Variants in ZNF407 observed in about 807,000 individuals in gnomAD.
ZNF407 encodes the protein zinc finger protein 407.
Under a neutral mutation model 131.2 loss-of-function variants are expected in ZNF407, and 17 were observed. That is an observed-to-expected ratio of 0.13 (90% CI 0.09 to 0.19). ZNF407 has a LOEUF of 0.19. ZNF407 is among the 10% of genes least tolerant of loss of function. The probability of loss-of-function intolerance (pLI) is 1.00; values close to 1 mark genes in which losing one functional copy is unlikely to be tolerated. For synonymous variants in ZNF407, 1,156 were observed against 1,062.0 expected, an observed-to-expected ratio of 1.09 and a Z score of -1.72; for missense variants, 2,681 against 2,830.6, an observed-to-expected ratio of 0.95 and a Z score of 1.20.
intron 8 of ZNF407, among the ~76,000 whole-genome samples, chr18:74,990,004 C>T (rs530445526): frequency 6.6e-6 from 1 of 152,192 alleles, no homozygotes; most frequent in African/African-American, 2.4e-5. Flanking sequence ...TATTCAGCAG[C>T]TTGTACATGT....
chr18:74,862,270 A>G (rs1970948087), intron 4 of ZNF407, among the ~76,000 whole-genome samples: 1 of 152,224 alleles, frequency 6.6e-6, no homozygotes, highest in Non-Finnish European at 1.5e-5. Flanking sequence ...TACAGAACAC[A>G]CGCCAGAGCT....
rs1299294440 is a variant in ZNF407 at position 74,633,440 on chromosome 18, G to A, written c.2421G>A (p.Glu807=). Residue 807 remains glutamate, a synonymous_variant, in exon 2 of 9, where the codon GAG becomes GAA. Transcript: ENST00000299687. ...GCCATATAGGTGTGCAATTACAAGA[G>A]CATTCCTATCTTGAGAAGGGCATGC... is the stretch of plus-strand genomic sequence containing the variant. ...IEGHIGVQLQ[E]HSYLEKGMLA... The A allele has an allele frequency of 1.2e-6, 2 of 1,614,008 alleles. No individual in the cohort carries two copies. Among genetic ancestry groups the A allele is most frequent in the South Asian group, 1.1e-5 (1 of 91,080 alleles).
At chr18:74,906,058 A>T (rs1415307774) in intron 7 of ZNF407, 2 of 153,322 alleles carry the variant, frequency 1.3e-5, no homozygotes, top group Admixed American at 1.3e-4. Flanking sequence ...TATTATTACT[A>T]TTTGGAGTCA....
At chr18:74,920,978 A>G in intron 8 of ZNF407, 6 of 1,107,150 alleles carry the variant, frequency 5.4e-6, no homozygotes, top group Non-Finnish European at 6.6e-6. Context: ...ACCTGAAATG[A>G]GAGTAGTTGT....
At chr18:74,802,570 A>T (rs1401923446) in intron 4 of ZNF407, among the ~76,000 whole-genome samples, 1 of 152,204 alleles carries the variant, frequency 6.6e-6, no homozygotes, top group African/African-American at 2.4e-5. Flanking sequence ...GTAAGATTTC[A>T]GAGAAATTTC....
Position 74,635,820 on chromosome 18 carries a change from A to C in ZNF407, c.4687+114A>C. 2.1e-6 allele frequency: 3 copies of C among 1,398,430 alleles called. No homozygotes were observed. Among genetic ancestry groups the C allele is most frequent in the Non-Finnish European group, 1.9e-6 (2 of 1,037,664 alleles). 86.6% of individuals were successfully genotyped at this position (1,398,430 alleles called of 1,614,324 possible). A position where few individuals can be genotyped will look rare whatever the true frequency, so the allele number is the denominator to read the frequency against. On this transcript the variant is annotated intron_variant, in intron 2 of 8. Transcript: ENST00000299687. The surrounding 1 kb of genome is among the most constrained non-coding windows in gnomAD (Gnocchi z 4.7). ...TGGCTTTCCACCCGGTTCACATTTCACTGCCGTGTGCTGCTCTGCTTGTCT... is the reference window on the plus strand; with the variant it reads ...TGGCTTTCCACCCGGTTCACATTTCCCTGCCGTGTGCTGCTCTGCTTGTCT...
intron 3 of ZNF407, among the ~76,000 whole-genome samples, chr18:74,726,659 C>T (rs1599102525): frequency 2.6e-5 from 4 of 152,302 alleles, no homozygotes; most frequent in African/African-American, 9.6e-5. Context: ...GTGTAACCTA[C>T]ATGTGGAGTT....
At chr18:74,830,780 C>A (rs1011466854) in intron 4 of ZNF407, among the ~76,000 whole-genome samples, 7 of 152,130 alleles carry the variant, frequency 4.6e-5, no homozygotes, top group Non-Finnish European at 1.0e-4. Flanking sequence ...CATTCAGTGT[C>A]TTCCTTGTAG....
At chr18:74,767,782 T>C (rs1969272824) in intron 3 of ZNF407, among the ~76,000 whole-genome samples, 1 of 150,170 alleles carries the variant, frequency 6.7e-6, no homozygotes, top group Non-Finnish European at 1.5e-5. Context: ...GCCTCCTGAG[T>C]AGCTGGGACT....
chr18:74,881,073 C>A lies in ZNF407; in HGVS notation c.5082C>A (p.Ala1694=). ...TTCTGTGTGACCTCTGCGGCTTTGC[C>A]GGCGGGACCCGCCACGCCCTCACCA... ...KSFLCDLCGF[A]GGTRHALTKH... is the part of the protein sequence containing the mutation. Residue 1694 remains alanine (A), a synonymous_variant, in exon 6 of 9, where the codon GCC becomes GCA. Transcript: ENST00000299687. 1 of 1,562,458 alleles carries A rather than the reference C, an allele frequency of 6.4e-7. No individual in the cohort carries two copies.
intron 8 of ZNF407, among the ~76,000 whole-genome samples, chr18:75,009,661 C>A (rs1272651243): frequency 1.3e-5 from 2 of 152,172 alleles, no homozygotes; most frequent in Admixed American, 1.3e-4. Context: ...AATATAAAAT[C>A]ATTTATTCTT....
chr18:74,888,000 A>G (rs1971333752), intron 6 of ZNF407, among the ~76,000 whole-genome samples: 1 of 152,212 alleles, frequency 6.6e-6, no homozygotes, highest in Admixed American at 6.5e-5. Flanking sequence ...GCGAACTTCT[A>G]AACGTTCTAA....
chr18:74,621,285 A>G (rs1300584773), intron 1 of ZNF407, among the ~76,000 whole-genome samples: 1 of 152,084 alleles, frequency 6.6e-6, no homozygotes, highest in East Asian at 1.9e-4. Flanking sequence ...ATTGCTACAT[A>G]ACAAATTTGG....
chr18:74,717,998 C>T (rs926027714), intron 3 of ZNF407, among the ~76,000 whole-genome samples: 3 of 152,064 alleles, frequency 2.0e-5, no homozygotes, highest in Non-Finnish European at 1.5e-5. Context: ...GTGGATAAAG[C>T]TAATTTATTT....
chr18:74,984,068 C>G (rs938347424), intron 8 of ZNF407, among the ~76,000 whole-genome samples: 2 of 152,228 alleles, frequency 1.3e-5, no homozygotes, highest in African/African-American at 4.8e-5. Flanking sequence ...GGAAAACCAT[C>G]TCTCTTCTTT....
chr18:74,745,307 G>A (rs536417780), intron 3 of ZNF407, among the ~76,000 whole-genome samples: 54 of 152,180 alleles, frequency 3.5e-4, no homozygotes, highest in African/African-American at 1.1e-3. Context: ...TTTATGGAAA[G>A]TAAGTCATTA....
In ZNF407 at chr18:74,628,800, G is replaced by A. The variant is rs532276156; in HGVS notation, c.-53-2167G>A. Among the ~76,000 whole-genome samples, 292 of 151,914 alleles carry A rather than the reference G, an allele frequency of 1.9e-3. 1 individual carries two copies. Among genetic ancestry groups the A allele is most frequent in the Non-Finnish European group, 8.4e-4 (57 of 67,946 alleles). Reference sequence around the variant, plus strand: ...TTGCTGTGTTGCCCAGGCTGGTGTCGAACTACTGCACCCAAGCCATCCTCC... The same window carrying A: ...TTGCTGTGTTGCCCAGGCTGGTGTCAAACTACTGCACCCAAGCCATCCTCC... On this transcript the variant is annotated intron_variant, in intron 1 of 8. Coordinates refer to ENST00000299687, the MANE Select transcript of ZNF407 (RefSeq NM_017757.3).
intron 8 of ZNF407, among the ~76,000 whole-genome samples, chr18:75,036,040 C>CA (rs1402392035): frequency 2.0e-5 from 3 of 152,160 alleles, no homozygotes; most frequent in African/African-American, 7.2e-5. Context: ...CTGCTGGTGC[C>CA]AAAAATAACG....
intron 4 of ZNF407, among the ~76,000 whole-genome samples, chr18:74,851,746 C>G (rs180836388): frequency 6.6e-6 from 1 of 152,134 alleles, no homozygotes; most frequent in Non-Finnish European, 1.5e-5. Flanking sequence ...TGAGAAAAAT[C>G]GCCAGAGGCC....
Sources: allele counts gnomAD v4.1 joint callset (sites outside exome capture counted in the v4.1 genomes callset), GRCh38; gene constraint gnomAD v4.1.1; non-coding constraint Gnocchi (gnomAD v3.1); transcripts MANE v1.5; gene names NCBI Gene and HGNC (gene_info 2026-07-23, HGNC 2026-07-21).